PLSCR2: variants seen among roughly 807,000 people sequenced by gnomAD.
PLSCR2 encodes the protein phospholipid scramblase 2, also known as PL scramblase 2.
PLSCR2 carries 18 observed loss-of-function variants against 25.3 expected under a neutral mutation model. The ratio of observed to expected loss-of-function variants is 0.71; its 90% CI spans 0.49 to 1.06. The LOEUF is 1.06. Ranked by LOEUF, PLSCR2 falls within the 50% of genes least tolerant of loss-of-function variation. The pLI, the probability that PLSCR2 is intolerant of heterozygous loss-of-function variation, is 0.00. For missense variants in PLSCR2, 243 were observed against 269.5 expected, an observed-to-expected ratio of 0.90 and a Z score of 0.69; for synonymous variants, 88 against 87.3, an observed-to-expected ratio of 1.01 and a Z score of -0.04.
downstream of PLSCR2, among the ~76,000 whole-genome samples, chr3:146,430,072 G>A (rs534052870): frequency 6.6e-6 from 1 of 152,266 alleles, no homozygotes; most frequent in Non-Finnish European, 1.5e-5. Context: ...TAAAAGGGAG[G>A]CAAAGTATAA....
At chr3:146,470,786 G>A (rs1052822756) in intron 1 of PLSCR2, among the ~76,000 whole-genome samples, 2 of 152,128 alleles carry the variant, frequency 1.3e-5, no homozygotes, top group African/African-American at 4.8e-5. Context: ...AAGGAAAATC[G>A]AGCTACCTGA....
intron 3 of PLSCR2, among the ~76,000 whole-genome samples, chr3:146,395,358 C>T (rs187363885): frequency 1.8e-4 from 28 of 152,118 alleles, no homozygotes; most frequent in African/African-American, 6.0e-4. Flanking sequence ...CTTTGTATTG[C>T]GCAAGAGATA....
At chr3:146,464,131 T>TA (rs2041752877), upstream of PLSCR2, 1 of 192,600 alleles carries the variant, frequency 5.2e-6, no homozygotes, top group Non-Finnish European at 9.5e-6. Context: ...GTAGAAATAT[T>TA]AAAACTTACA....
chr3:146,464,314 T>C (rs2041763126), upstream of PLSCR2, among the ~76,000 whole-genome samples: 1 of 152,180 alleles, frequency 6.6e-6, no homozygotes, highest in African/African-American at 2.4e-5. Flanking sequence ...CATGAGCCAA[T>C]TTCTTATAAT....
chr3:146,466,150 C>A (rs1576696920), intron 1 of PLSCR2, among the ~76,000 whole-genome samples: 1 of 152,168 alleles, frequency 6.6e-6, no homozygotes. Flanking sequence ...GTAAGATAGG[C>A]TTTTACAGTT....
At chr3:146,461,970 T>A (rs1039651446), upstream of PLSCR2, 17 of 1,223,710 alleles carry the variant, frequency 1.4e-5, no homozygotes, top group African/African-American at 2.5e-4. Context: ...AAAAAAAAAA[T>A]GACAAAGAAC....
chr3:146,461,414 T>C (rs181959652), upstream of PLSCR2, among the ~76,000 whole-genome samples: 1 of 152,264 alleles, frequency 6.6e-6, no homozygotes, highest in East Asian at 1.9e-4. Context: ...ATTGGCTCTG[T>C]TGTGGAATCA....
downstream of PLSCR2, chr3:146,441,699 A>G: frequency 1.2e-6 from 1 of 830,068 alleles, no homozygotes; most frequent in East Asian, 2.7e-5. Flanking sequence ...AAAAACACTG[A>G]ATTTTTCTTT....
At chr3:146,392,444 T>G (rs2038111700) in intron 3 of PLSCR2, among the ~76,000 whole-genome samples, 1 of 152,090 alleles carries the variant, frequency 6.6e-6, no homozygotes, top group Non-Finnish European at 1.5e-5. Context: ...TGGAGACGCT[T>G]TCTTAAGTTT....
At chr3:146,409,318 G>A (rs1360835752) in intron 2 of PLSCR2, among the ~76,000 whole-genome samples, 2 of 152,078 alleles carry the variant, frequency 1.3e-5, no homozygotes, top group Non-Finnish European at 2.9e-5. Context: ...GGAACAGGCT[G>A]GTTGTAAGGT....
At chr3:146,480,466 G>A (rs543883224) in intron 1 of PLSCR2, among the ~76,000 whole-genome samples, 39 of 152,184 alleles carry the variant, frequency 2.6e-4, no homozygotes, top group African/African-American at 7.7e-4. Flanking sequence ...ACACCTCTGC[G>A]AAAATAAACT....
chr3:146,484,749 T>C (rs1156813586), intron 1 of PLSCR2, among the ~76,000 whole-genome samples: 2 of 152,072 alleles, frequency 1.3e-5, no homozygotes, highest in Non-Finnish European at 2.9e-5. Flanking sequence ...CTGAGGGCTA[T>C]CATTTCCACC....
chr3:146,482,976 C>T (rs2043182516), intron 1 of PLSCR2, among the ~76,000 whole-genome samples: 1 of 151,932 alleles, frequency 6.6e-6, no homozygotes, highest in Non-Finnish European at 1.5e-5. Context: ...ATCACAAGAA[C>T]AGAAAATCAA....
At chr3:146,484,819 T>TA (rs1375933182) in intron 1 of PLSCR2, among the ~76,000 whole-genome samples, 1 of 152,002 alleles carries the variant, frequency 6.6e-6, no homozygotes, top group Non-Finnish European at 1.5e-5. Flanking sequence ...AAAACTGGTA[T>TA]TAGCTACTGC....
intron 2 of PLSCR2, among the ~76,000 whole-genome samples, chr3:146,406,777 C>G (rs903079499): frequency 6.6e-6 from 1 of 152,096 alleles, no homozygotes. Context: ...GGTGTGAGGT[C>G]TTTTCTAAGC....
At chr3:146,428,887 A>G (rs1331063134), downstream of PLSCR2, among the ~76,000 whole-genome samples, 1 of 152,212 alleles carries the variant, frequency 6.6e-6, no homozygotes, top group Non-Finnish European at 1.5e-5. Context: ...ATGTAGCCCA[A>G]ATATTCCACA....
intron 2 of PLSCR2, among the ~76,000 whole-genome samples, chr3:146,403,685 T>G (rs1477420800): frequency 1.3e-5 from 2 of 152,186 alleles, no homozygotes. Flanking sequence ...TTGTCTTAGT[T>G]TTTTTTGTGT....
downstream of PLSCR2, among the ~76,000 whole-genome samples, chr3:146,440,892 ATAT>A (rs2040202257): frequency 6.6e-6 from 1 of 152,330 alleles, no homozygotes; most frequent in African/African-American, 2.4e-5. Flanking sequence ...AAAGATACAC[ATAT>A]TTTTTATTTC....
chr3:146,439,508 C>T (rs1209668534), downstream of PLSCR2, among the ~76,000 whole-genome samples: 1 of 152,158 alleles, frequency 6.6e-6, no homozygotes, highest in African/African-American at 2.4e-5. Context: ...TCTCTTCTCT[C>T]TTCATTTCAT....
Sources: allele counts gnomAD v4.1 joint callset (sites outside exome capture counted in the v4.1 genomes callset), GRCh38; gene constraint gnomAD v4.1.1; transcripts MANE v1.5; gene names NCBI Gene and HGNC (gene_info 2026-07-23, HGNC 2026-07-21).